The following RANBP3 variants were observed in gnomAD, a reference collection of about 807,000 sequenced individuals.
The protein encoded by RANBP3 is ran-binding protein 3.
A neutral mutation model predicts 77.3 loss-of-function variants in RANBP3; 14 were observed. The ratio of observed to expected loss-of-function variants is 0.18; its 90% confidence interval spans 0.12 to 0.28. The LOEUF (loss-of-function observed/expected upper bound fraction) is 0.28, where lower values mean the gene tolerates loss of function less well. RANBP3 is among the 10% of genes least tolerant of loss of function. The pLI, the probability that RANBP3 is intolerant of heterozygous loss-of-function variation, is 1.00. For synonymous variants in RANBP3, 315 were observed against 312.4 expected (o/e 1.01, Z -0.09); for missense variants, 586 against 752.3 (o/e 0.78, Z 2.59).
chr19:5,917,279 C>G lies in RANBP3; in HGVS notation c.*331G>C. 1 of 394,816 alleles carries G rather than the reference C, an allele frequency of 2.5e-6. No homozygotes were observed. The highest frequency in any genetic ancestry group is 5.7e-5 in the East Asian group (1 of 17,666). 24.5% of individuals were successfully genotyped at this position (394,816 alleles called of 1,614,324 possible). A position where few individuals can be genotyped will look rare whatever the true frequency, so the allele number is the denominator to read the frequency against. ...CAGGGGCTCTGGCTGGACCCAGAGG[C>G]TGGCGACACGCGGGGTGAAGGAACG... is the stretch of plus-strand genomic sequence containing the variant. On this transcript the variant is annotated 3_prime_UTR_variant, in exon 17 of 17. Coordinates refer to ENST00000340578, the MANE Select transcript of RANBP3 (RefSeq NM_007322.3).
At chr19:5,934,892 C>A (rs1366229214) in intron 5 of RANBP3, among the ~76,000 whole-genome samples, 2 of 152,040 alleles carry the variant, frequency 1.3e-5, no homozygotes, top group Non-Finnish European at 2.9e-5. Flanking sequence ...AGAAAAACAC[C>A]CCCTCATGCT....
At chr19:5,955,982 C>T (rs1206990360) in intron 2 of RANBP3, among the ~76,000 whole-genome samples, 1 of 151,930 alleles carries the variant, frequency 6.6e-6, no homozygotes, top group Non-Finnish European at 1.5e-5. Context: ...GGTGGTGGTG[C>T]CTGTAGTCCC....
At chr19:5,968,527 A>G (rs980015849) in intron 1 of RANBP3, among the ~76,000 whole-genome samples, 1 of 152,250 alleles carries the variant, frequency 6.6e-6, no homozygotes, top group Non-Finnish European at 1.5e-5. Context: ...GATTGCAAAC[A>G]TATTGATGCC....
rs1355219308 is a variant in RANBP3, at chr19:5,917,766, C to T, written c.1660+28G>A. Reference sequence around the variant, plus strand: ...GGATGGCGGGCAGCTCTTTCTATCCCCCCCAGGGTAGGGACCACCCGACTC... The same window carrying T: ...GGATGGCGGGCAGCTCTTTCTATCCTCCCCAGGGTAGGGACCACCCGACTC... On this transcript the variant is annotated intron_variant, in intron 16 of 16. Coordinates refer to ENST00000340578, the MANE Select transcript of RANBP3 (RefSeq NM_007322.3). 6 of 1,593,154 alleles carry T rather than the reference C, an allele frequency of 3.8e-6. No individual in the cohort carries two copies. The African/African-American group carries it at 6.7e-5, about 18-fold the overall frequency.
intron 13 of RANBP3, 105 bp downstream of exon 13, chr19:5,923,089 T>C: frequency 1.1e-6 from 1 of 903,112 alleles, no homozygotes; most frequent in Non-Finnish European, 1.7e-6. Flanking sequence ...CTCCGTCATC[T>C]CAGGGGCAGG....
At position 5,923,293 on chromosome 19, in the gene RANBP3, A is replaced by T; in HGVS notation, c.1110T>A (p.Ala370=). 1.2e-6 allele frequency: 2 copies of T among 1,614,174 alleles called. No homozygotes were observed. Among genetic ancestry groups the T allele is most frequent in the South Asian group, 1.1e-5 (1 of 91,080 alleles). The part of the protein sequence containing the change: ...QEATPEKESL[A]ESAAAYTKAT... Reference sequence around the variant, plus strand: ...CCTTGGTGTAGGCGGCTGCCGACTCAGCCAGGGACTCTGAAAAGTTATTGG... The same window carrying T: ...CCTTGGTGTAGGCGGCTGCCGACTCTGCCAGGGACTCTGAAAAGTTATTGG... Residue 370 remains alanine, a synonymous_variant, in exon 13 of 17, where the codon GCT becomes GCA. Coordinates refer to ENST00000340578, the MANE Select transcript of RANBP3 (RefSeq NM_007322.3).
At chr19:5,950,104 C>T (rs148017151) in intron 3 of RANBP3, among the ~76,000 whole-genome samples, 1 of 152,164 alleles carries the variant, frequency 6.6e-6, no homozygotes, top group Non-Finnish European at 1.5e-5. Flanking sequence ...CAGTAACTCA[C>T]CATACCTGAC....
chr19:5,977,062 G>C (rs2058600941), intron 1 of RANBP3, among the ~76,000 whole-genome samples: 1 of 152,188 alleles, frequency 6.6e-6, no homozygotes, highest in African/African-American at 2.4e-5. Context: ...TACCCTAAAT[G>C]CTCCACAAGA....
rs1364922181 is a variant in RANBP3, at chr19:5,924,315, G to A, written c.997-401C>T. Reference sequence around the variant, plus strand: ...TCGCAATGGAGCTGGGTGGAATCAGGAAGAAAAAGGAACATGTGTAAAGAG... The same window carrying A: ...TCGCAATGGAGCTGGGTGGAATCAGAAAGAAAAAGGAACATGTGTAAAGAG... On this transcript the variant is annotated intron_variant, in intron 11 of 16. Transcript: ENST00000340578. The surrounding 1 kb of genome is among the most constrained non-coding windows in gnomAD (Gnocchi z 4.7). 1.3e-5 allele frequency among the ~76,000 whole-genome samples: 2 copies of A among 152,208 alleles called. No homozygotes were observed. The highest frequency in any genetic ancestry group is 1.3e-4 in the Admixed American group (2 of 15,282).
At chr19:5,954,404 T>C (rs1397678345) in intron 2 of RANBP3, among the ~76,000 whole-genome samples, 1 of 152,166 alleles carries the variant, frequency 6.6e-6, no homozygotes, top group Non-Finnish European at 1.5e-5. Context: ...AACATTTTCG[T>C]AGGAGTAACA....
intron 9 of RANBP3, among the ~76,000 whole-genome samples, chr19:5,926,569 C>T (rs1320124705): frequency 5.9e-5 from 9 of 152,098 alleles, no homozygotes; most frequent in Admixed American, 5.9e-4. Flanking sequence ...AAAAAAGAAT[C>T]CATGGCTCAA....
chr19:5,929,589 G>C (rs918962603), intron 8 of RANBP3, among the ~76,000 whole-genome samples: 8 of 152,234 alleles, frequency 5.3e-5, no homozygotes, highest in Non-Finnish European at 8.8e-5. Flanking sequence ...GTGTGTGTGG[G>C]GCGGGAGGGG....
chr19:5,969,048 G>C (rs897847622), intron 1 of RANBP3, among the ~76,000 whole-genome samples: 3 of 152,168 alleles, frequency 2.0e-5, no homozygotes, highest in Non-Finnish European at 2.9e-5. Flanking sequence ...GGGATCCCAG[G>C]CAGAGGGGAC....
chr19:5,961,260 G>A (rs1035988186), intron 1 of RANBP3, among the ~76,000 whole-genome samples: 2 of 149,188 alleles, frequency 1.3e-5, no homozygotes, highest in African/African-American at 5.0e-5. Flanking sequence ...TGGCTAACAC[G>A]GTGAAACCCT....
At chr19:5,929,787 G>A (rs548435467) in intron 8 of RANBP3, among the ~76,000 whole-genome samples, 98 of 152,350 alleles carry the variant, frequency 6.4e-4, no homozygotes, top group African/African-American at 2.3e-3. Flanking sequence ...TACACACAGC[G>A]AGCCTGGCGA....
rs1402473945 is a variant in RANBP3 at position 5,941,661 on chromosome 19, T to C, written c.366A>G (p.Glu122=). The change falls in exon 5 of 17, where the codon GAA becomes GAG. Residue 122 remains glutamate, a synonymous_variant. Transcript: ENST00000340578. ...GGAACTGGGTTAAAGAGGATGTTCT[T>C]TCTCGCTTGACAGGAGGGCAGTAAT... The part of the protein sequence containing the change: ...DGNYCPPVKR[E]RTSSLTQFPP... The C allele has an allele frequency of 6.2e-7, 1 of 1,613,886 alleles. No homozygotes were observed. Among genetic ancestry groups the C allele is most frequent in the South Asian group, 1.1e-5 (1 of 91,068 alleles).
At chr19:5,932,586 G>A in intron 6 of RANBP3, 42 bp from the exon 7 acceptor site, 1 of 1,548,872 alleles carries the variant, frequency 6.5e-7, no homozygotes, top group Non-Finnish European at 8.9e-7. Flanking sequence ...GTGGACCCCT[G>A]CCTGCCCCCA....
intron 5 of RANBP3, among the ~76,000 whole-genome samples, chr19:5,940,224 T>C (rs537386197): frequency 1.3e-5 from 2 of 152,304 alleles, no homozygotes; most frequent in Non-Finnish European, 2.9e-5. Context: ...GTCCCTCGCC[T>C]CTTTAGCCTA....
In RANBP3 at chr19:5,925,724, C is replaced by G. The variant is rs374296415; in HGVS notation, c.827G>C (p.Ser276Thr). The G allele has an allele frequency of 1.9e-6, 3 of 1,613,836 alleles. No individual in the cohort carries two copies. The highest frequency in any genetic ancestry group is 2.2e-5 in the South Asian group (2 of 91,066). Reference sequence around the variant, plus strand: ...ATTCTCCATGTCGGCTTCGTCCACGCTCTCATTTATCAGCTGGGAATGAGA... The same window carrying G: ...ATTCTCCATGTCGGCTTCGTCCACGGTCTCATTTATCAGCTGGGAATGAGA... ...LRDRVKLINE[S>T]VDEADMENAG... Residue 276 changes from serine (S) to threonine (T), a missense_variant, in exon 10 of 17, where the codon AGC (serine) becomes ACC (threonine). Around this residue, in one of 5 missense-constraint regions of RANBP3, gnomAD observed 232 missense variants for 271.7 expected, o/e 0.85. Transcript: ENST00000340578.
Sources: gnomAD v4.1 joint callset for allele counts (sites outside exome capture counted in the v4.1 genomes callset) on GRCh38, gnomAD v4.1.1 for gene constraint, gnomAD v4.1.1 regional missense constraint, Gnocchi (gnomAD v3.1) non-coding constraint, MANE v1.5 for transcripts, NCBI Gene and HGNC (gene_info 2026-07-23, HGNC 2026-07-21) for gene names.